The following BNC2 variants were observed in gnomAD, a reference collection of about 807,000 sequenced individuals.
The protein encoded by BNC2 is basonuclin zinc finger protein 2.
BNC2 carries 20 observed loss-of-function variants against 76.3 expected under a neutral mutation model. That is an observed-to-expected ratio of 0.26 (90% confidence interval 0.18 to 0.38). BNC2 has a LOEUF of 0.38. BNC2 is among the 10% of genes least tolerant of loss of function. BNC2 has a pLI of 1.00. For synonymous variants in BNC2, 582 were observed against 514.8 expected, an observed-to-expected ratio of 1.13 and a Z score of -1.77; for missense variants, 1,382 against 1,399.8, an observed-to-expected ratio of 0.99 and a Z score of 0.20.
chr9:16,524,554 T>C (rs1364202644), intron 5 of BNC2, among the ~76,000 whole-genome samples: 2 of 152,142 alleles, frequency 1.3e-5, no homozygotes, highest in East Asian at 3.9e-4. Flanking sequence ...CTAAAAATAT[T>C]AGGAGCTTAA....
intron 5 of BNC2, among the ~76,000 whole-genome samples, chr9:16,481,214 C>G (rs955323789): frequency 6.6e-6 from 1 of 152,042 alleles, no homozygotes; most frequent in African/African-American, 2.4e-5. Flanking sequence ...CACCAATCAG[C>G]GCCCTGTCAA....
intron 3 of BNC2, among the ~76,000 whole-genome samples, chr9:16,589,225 A>AC (rs1355277025): frequency 6.6e-6 from 1 of 152,120 alleles, no homozygotes; most frequent in Non-Finnish European, 1.5e-5. Flanking sequence ...TCGCTCTGTT[A>AC]CCGAGGCTGG....
chr9:16,615,004 A>AAAAAAAAAAAAAAAAAAG (rs1281440121), intron 3 of BNC2, among the ~76,000 whole-genome samples: 1 of 113,082 alleles, frequency 8.8e-6, no homozygotes, highest in Non-Finnish European at 1.8e-5. Flanking sequence ...AAAAAAAAAA[A>AAAAAAAAAAAAAAAAAAG]GCCAAGCAGG....
rs535830635 is a variant in BNC2 at position 16,499,276 on chromosome 9, CT to C, written c.669+53253del. 7.6e-3 allele frequency among the ~76,000 whole-genome samples: 1,154 copies of C among 152,156 alleles called. 15 individuals carry two copies. Among genetic ancestry groups the C allele is most frequent in the African/African-American group, 0.026 (1,099 of 41,510 alleles). On this transcript the variant is annotated intron_variant, in intron 5 of 6. Transcript: ENST00000380672. Reference sequence around the variant, plus strand: ...AACTGAGGCTCAGTCAGTTAAGTTACTTTTTTGAGGTCAATGTGGAGGTTAC... The same window carrying C: ...AACTGAGGCTCAGTCAGTTAAGTTACTTTTTGAGGTCAATGTGGAGGTTAC...
At chr9:16,678,131 G>A (rs1049951312) in intron 3 of BNC2, among the ~76,000 whole-genome samples, 8 of 151,982 alleles carry the variant, frequency 5.3e-5, no homozygotes, top group Non-Finnish European at 8.8e-5. Context: ...GGCAGCAGGT[G>A]ACAGTGAATA....
intron 3 of BNC2, among the ~76,000 whole-genome samples, chr9:16,700,506 G>GTC (rs1395085881): frequency 6.6e-6 from 1 of 152,132 alleles, no homozygotes; most frequent in African/African-American, 2.4e-5. Flanking sequence ...GCAACACCCT[G>GTC]TCTGTGCTGC....
chr9:16,814,169 A>C (rs1367338526), intron 1 of BNC2, among the ~76,000 whole-genome samples: 1 of 152,240 alleles, frequency 6.6e-6, no homozygotes, highest in Admixed American at 6.5e-5. Context: ...GAAGGTGGAC[A>C]TAACTCCAGG....
chr9:16,430,298 T>G (rs1820884528), intron 6 of BNC2, among the ~76,000 whole-genome samples: 1 of 152,170 alleles, frequency 6.6e-6, no homozygotes, highest in Non-Finnish European at 1.5e-5. Flanking sequence ...TGATTGGCAA[T>G]GAAATGAAAC....
chr9:16,468,518 C>T (rs1821745559), intron 5 of BNC2, among the ~76,000 whole-genome samples: 1 of 152,024 alleles, frequency 6.6e-6, no homozygotes, highest in South Asian at 2.1e-4. Flanking sequence ...GCCTCAGCCT[C>T]CCGAATAGCT....
chr9:16,561,505 T>G (rs1422695150), intron 4 of BNC2, among the ~76,000 whole-genome samples: 1 of 152,158 alleles, frequency 6.6e-6, no homozygotes, highest in Non-Finnish European at 1.5e-5. Flanking sequence ...TTTCCAGATC[T>G]TGCAGTTCCA....
At chr9:16,602,312 C>T (rs1471398303) in intron 3 of BNC2, among the ~76,000 whole-genome samples, 3 of 152,142 alleles carry the variant, frequency 2.0e-5, no homozygotes, top group African/African-American at 4.8e-5. Flanking sequence ...ATTGTATTTA[C>T]TACTAATCAT....
intron 5 of BNC2, among the ~76,000 whole-genome samples, chr9:16,442,776 G>A (rs1307099237): frequency 1.3e-5 from 2 of 152,102 alleles, no homozygotes; most frequent in South Asian, 2.1e-4. Flanking sequence ...GACGCAGCAC[G>A]GATCTAAGGC....
chr9:16,470,961 G>A (rs1157662679), intron 5 of BNC2, among the ~76,000 whole-genome samples: 4 of 152,220 alleles, frequency 2.6e-5, no homozygotes, highest in African/African-American at 4.8e-5. Flanking sequence ...TAAATCCACC[G>A]ACAACTTGTA....
chr9:16,610,023 T>G (rs1413735789), intron 3 of BNC2, among the ~76,000 whole-genome samples: 2 of 152,160 alleles, frequency 1.3e-5, no homozygotes, highest in African/African-American at 2.4e-5. Context: ...ACCAAATCAT[T>G]TGTATCTCAT....
intron 5 of BNC2, among the ~76,000 whole-genome samples, chr9:16,460,091 G>C (rs1381052171): frequency 6.6e-6 from 1 of 152,038 alleles, no homozygotes; most frequent in Non-Finnish European, 1.5e-5. Flanking sequence ...TATTAAAGTT[G>C]ATAACAATTA....
rs568420422 is a variant in BNC2 at position 16,453,758 on chromosome 9, A to T, written c.670-16234T>A. On this transcript the variant is annotated intron_variant, in intron 5 of 6. Coordinates refer to ENST00000380672, the MANE Select transcript of BNC2 (RefSeq NM_017637.6). The stretch of plus-strand genomic sequence containing the variant: ...CTTGAACCCCAGAGGCAGAGGTTGC[A>T]GTGAGCTGAGATCATGCCACTTTCC... Among the ~76,000 whole-genome samples, 296 of 152,346 alleles carry T rather than the reference A, an allele frequency of 1.9e-3. 1 individual carries two copies. The highest frequency in any genetic ancestry group is 6.6e-3 in the African/African-American group (275 of 41,586).
rs190878548 is a variant in BNC2 at position 16,511,988 on chromosome 9, T to C, written c.669+40542A>G. Among the ~76,000 whole-genome samples, 21 of 152,340 alleles carry C rather than the reference T, an allele frequency of 1.4e-4. No homozygotes were observed. In the East Asian group the frequency reaches 3.9e-3, roughly 28 times the overall value. ...GATACTTATAATACTAATGCAAATA[T>C]ATACAACAGAATCAAAAATTTATGT... On this transcript the variant is annotated intron_variant, in intron 5 of 6. Transcript: ENST00000380672.
chr9:16,683,717 A>T (rs1822891953), intron 3 of BNC2, among the ~76,000 whole-genome samples: 1 of 152,264 alleles, frequency 6.6e-6, no homozygotes, highest in South Asian at 2.1e-4. Flanking sequence ...ATTATGGTGG[A>T]CATAATATGT....
chr9:16,788,080 G>A (rs1255811564), intron 1 of BNC2, among the ~76,000 whole-genome samples: 2 of 152,142 alleles, frequency 1.3e-5, no homozygotes, highest in Non-Finnish European at 2.9e-5. Context: ...TGGTGGAAAG[G>A]ATGTCCAGGA....
Sources: gnomAD v4.1 joint callset for allele counts (sites outside exome capture counted in the v4.1 genomes callset) on GRCh38, gnomAD v4.1.1 for gene constraint, MANE v1.5 for transcripts, NCBI Gene and HGNC (gene_info 2026-07-23, HGNC 2026-07-21) for gene names.